The following CNTN1 variants were observed in gnomAD, a reference collection of about 807,000 sequenced individuals.
The protein encoded by CNTN1 is contactin 1.
In CNTN1, 38 loss-of-function variants were observed where a neutral mutation model predicts 126.4. The ratio of observed to expected loss-of-function variants is 0.30; its 90% CI spans 0.23 to 0.39. The LOEUF (loss-of-function observed/expected upper bound fraction) is 0.39, where lower values mean the gene tolerates loss of function less well. CNTN1 is among the 10% of genes least tolerant of loss of function. The probability of loss-of-function intolerance (pLI) is 1.00; values close to 1 mark genes in which losing one functional copy is unlikely to be tolerated. For synonymous variants in CNTN1, 413 were observed against 422.6 expected (o/e 0.98, Z 0.28); for missense variants, 1,009 against 1,248.4 (o/e 0.81, Z 2.89).
At position 41,026,330 on chromosome 12, in the gene CNTN1, AACAAAC is replaced by A. The variant is rs1206316869; in HGVS notation, c.2710+1001_2710+1006del. ...CTAATGAAATGAGATAGAAACTTCAAACAAACACAAACTCTGACAAATAAATAAGTG... is the reference window on the plus strand; with the variant it reads ...CTAATGAAATGAGATAGAAACTTCAAACAAACTCTGACAAATAAATAAGTG... On this transcript the variant is annotated intron_variant, in intron 21 of 23. Coordinates refer to ENST00000551295, the MANE Select transcript of CNTN1 (RefSeq NM_001843.4). 2.0e-5 allele frequency among the ~76,000 whole-genome samples: 3 copies of A among 152,200 alleles called. No individual in the cohort carries two copies. The East Asian group carries it at 5.8e-4, about 29-fold the overall frequency.
chr12:41,009,201 G>A (rs1388942957), intron 17 of CNTN1, among the ~76,000 whole-genome samples: 1 of 152,220 alleles, frequency 6.6e-6, no homozygotes, highest in East Asian at 1.9e-4. Context: ...TGGGGAGAAA[G>A]GTGACTGGGC....
intron 23 of CNTN1, among the ~76,000 whole-genome samples, chr12:41,041,903 G>C (rs541245261): frequency 6.6e-6 from 1 of 152,010 alleles, no homozygotes; most frequent in East Asian, 1.9e-4. Context: ...GGTTTTTTCT[G>C]TCTCTATTTC....
Position 40,937,597 on chromosome 12 carries a change from G to A in CNTN1, c.1138G>A (p.Asp380Asn). 1.9e-6 allele frequency: 3 copies of A among 1,610,070 alleles called. No individual in the cohort carries two copies. The highest frequency in any genetic ancestry group is 2.5e-6 in the Non-Finnish European group (3 of 1,176,486). The part of the protein sequence containing the change: ...AYHKGELRLY[D>N]VTFENAGMYQ... ...TCATAAAGGGGAATTAAGACTGTAT[G>A]ATGTGACTTTTGAAAATGCCGGAAT... The change falls in exon 11 of 24, where the codon GAT (aspartate) becomes AAT (asparagine). Residue 380 changes from aspartate (D) to asparagine (N), a missense_variant. By Grantham distance (23) the Asp-to-Asn change is conservative. Transcript: ENST00000551295.
At chr12:40,695,637 A>G (rs1941431880) in intron 1 of CNTN1, among the ~76,000 whole-genome samples, 1 of 151,874 alleles carries the variant, frequency 6.6e-6, no homozygotes, top group Non-Finnish European at 1.5e-5. Flanking sequence ...CTCAATTCCA[A>G]TGTTTGTTTT....
At chr12:41,059,651 A>G (rs1949897935) in intron 23 of CNTN1, among the ~76,000 whole-genome samples, 1 of 152,132 alleles carries the variant, frequency 6.6e-6, no homozygotes, top group African/African-American at 2.4e-5. Context: ...ACTGTATCTT[A>G]TAAGAATTTA....
Position 40,944,079 on chromosome 12 carries a change from A to T in CNTN1, c.1592A>T (p.Asp531Val). 2 of 1,613,590 alleles carry T rather than the reference A, an allele frequency of 1.2e-6. No homozygotes were observed. Among genetic ancestry groups the T allele is most frequent in the Non-Finnish European group, 1.7e-6 (2 of 1,179,668 alleles). Residue 531 changes from aspartate (D) to valine (V), a missense_variant, in exon 14 of 24, where the codon GAT becomes GTT. By Grantham distance (152) the Asp-to-Val change is radical. Transcript: ENST00000551295. ...NATMQCAASF[D>V]PALDLTFVWS... is the part of the protein sequence containing the mutation. ...ACCATGCAGTGTGCTGCGTCCTTTGATCCTGCCTTGGATCTCACATTTGTT... is the reference window on the plus strand; with the variant it reads ...ACCATGCAGTGTGCTGCGTCCTTTGTTCCTGCCTTGGATCTCACATTTGTT...
chr12:41,017,073 C>A (rs1418384446), intron 19 of CNTN1, among the ~76,000 whole-genome samples, 157 bp downstream of exon 19: 1 of 152,152 alleles, frequency 6.6e-6, no homozygotes, highest in Non-Finnish European at 1.5e-5. Context: ...AATTAAACAT[C>A]ACCCTCTTCA....
At position 41,027,936 on chromosome 12, in the gene CNTN1, A is replaced by C; in HGVS notation, c.2790A>C (p.Ala930=). ...RYIITWDHVV[A]LSNESTVTGY... Reference sequence around the variant, plus strand: ...TAATCACCTGGGATCATGTCGTTGCACTATCAAATGAATCTACAGTGACGG... The same window carrying C: ...TAATCACCTGGGATCATGTCGTTGCCCTATCAAATGAATCTACAGTGACGG... Residue 930 remains alanine (A), a synonymous_variant, in exon 22 of 24, where the codon GCA becomes GCC. Transcript: ENST00000551295. 6.2e-7 allele frequency: 1 copy of C among 1,611,414 alleles called. No individual in the cohort carries two copies. Among genetic ancestry groups the C allele is most frequent in the Non-Finnish European group, 8.5e-7 (1 of 1,177,556 alleles).
At chr12:40,804,521 A>T (rs1336673062) in intron 1 of CNTN1, among the ~76,000 whole-genome samples, 1 of 152,030 alleles carries the variant, frequency 6.6e-6, no homozygotes, top group African/African-American at 2.4e-5. Context: ...CTGACCCCGT[A>T]TTAGACTGAG....
intron 1 of CNTN1, among the ~76,000 whole-genome samples, chr12:40,786,407 T>C (rs1456553657): frequency 1.3e-5 from 2 of 152,158 alleles, no homozygotes; most frequent in African/African-American, 4.8e-5. Context: ...TCTCAACAAC[T>C]CTGTGAGTGT....
In CNTN1 at chr12:40,732,961, T is replaced by G. The variant is rs1442575784; in HGVS notation, c.-77+40369T>G. On this transcript the variant is annotated intron_variant, in intron 1 of 23. Transcript: ENST00000551295. ...TTTAATTAGCTGCAAAAGTTACAACTGCCTTGTTATTTTTACTAGAAAATT... is the reference window on the plus strand; with the variant it reads ...TTTAATTAGCTGCAAAAGTTACAACGGCCTTGTTATTTTTACTAGAAAATT... Among the ~76,000 whole-genome samples, 5 of 152,044 alleles carry G rather than the reference T, an allele frequency of 3.3e-5. No individual in the cohort carries two copies. The East Asian group carries it at 7.7e-4, about 23-fold the overall frequency.
intron 17 of CNTN1, among the ~76,000 whole-genome samples, chr12:40,998,824 A>G (rs1278164817): frequency 2.0e-5 from 3 of 152,118 alleles, no homozygotes; most frequent in Non-Finnish European, 2.9e-5. Flanking sequence ...GTATTAAATC[A>G]CCATGAAATT....
intron 1 of CNTN1, among the ~76,000 whole-genome samples, chr12:40,762,336 G>C (rs1233902689): frequency 2.6e-5 from 4 of 152,158 alleles, no homozygotes; most frequent in African/African-American, 7.2e-5. Flanking sequence ...CGAACTGCTA[G>C]ATATACTCTT....
chr12:41,017,330 G>A (rs185315559), intron 19 of CNTN1, among the ~76,000 whole-genome samples: 1 of 150,750 alleles, frequency 6.6e-6, no homozygotes, highest in African/African-American at 2.4e-5. Context: ...CCAGCACTTT[G>A]GGAGGCGGAG....
chr12:40,844,358 G>C (rs534216356), intron 1 of CNTN1, among the ~76,000 whole-genome samples: 28 of 152,064 alleles, frequency 1.8e-4, no homozygotes, highest in African/African-American at 6.7e-4. Flanking sequence ...GAGCCACCAC[G>C]CCTGGCCACA....
At chr12:40,924,854 G>A (rs921372611) in intron 6 of CNTN1, among the ~76,000 whole-genome samples, 1 of 94,430 alleles carries the variant, frequency 1.1e-5, no homozygotes, top group Non-Finnish European at 2.3e-5. Context: ...CTAGTCCCAA[G>A]GATCTCTAAT....
chr12:41,047,181 C>G (rs2120997983), intron 23 of CNTN1, among the ~76,000 whole-genome samples: 1 of 152,154 alleles, frequency 6.6e-6, no homozygotes, highest in South Asian at 2.1e-4. Flanking sequence ...TCTGTTCATG[C>G]CCTTCAGCCT....
intron 1 of CNTN1, among the ~76,000 whole-genome samples, chr12:40,813,370 G>T (rs1287366019): frequency 6.6e-6 from 1 of 151,800 alleles, no homozygotes; most frequent in Non-Finnish European, 1.5e-5. Context: ...ACAGGCCAGG[G>T]TATGTGTTGT....
chr12:40,891,743 G>A (rs1042739912), intron 1 of CNTN1, among the ~76,000 whole-genome samples: 3 of 151,940 alleles, frequency 2.0e-5, no homozygotes, highest in Non-Finnish European at 2.9e-5. Flanking sequence ...ATTGATCTAT[G>A]TATCTGTATT....
Sources: gnomAD v4.1 joint callset for allele counts (sites outside exome capture counted in the v4.1 genomes callset) on GRCh38, gnomAD v4.1.1 for gene constraint, MANE v1.5 for transcripts, NCBI Gene and HGNC (gene_info 2026-07-23, HGNC 2026-07-21) for gene names.